Variants in ANO2 observed in about 807,000 individuals in gnomAD.
ANO2 encodes anoctamin-2.
ANO2 carries 101 observed loss-of-function variants against 124.2 expected under a neutral mutation model. The ratio of observed to expected loss-of-function variants is 0.81; its 90% CI spans 0.69 to 0.96. The LOEUF (loss-of-function observed/expected upper bound fraction) is 0.96. Ranked by LOEUF, ANO2 falls within the 40% of genes least tolerant of loss-of-function variation. The pLI is 0.00. For synonymous variants in ANO2, 486 were observed against 482.5 expected, an observed-to-expected ratio of 1.01 and a Z score of -0.09; for missense variants, 1,293 against 1,274.5, an observed-to-expected ratio of 1.01 and a Z score of -0.22.
In ANO2 at chr12:5,674,372, C is replaced by T. The variant is rs202134143; in HGVS notation, c.1546-26571G>A. Among the ~76,000 whole-genome samples the T allele has an allele frequency of 1.1e-3, 174 of 152,244 alleles. 2 individuals are homozygous for T. The East Asian group carries it at 0.03, about 26-fold the overall frequency. ...CCAAACAGGGAACTGGGCTCTCATC[C>T]TAATTCTTCCTTAAGGAGCCAACAC... On this transcript the variant is annotated intron_variant, in intron 14 of 24. Transcript: ENST00000682330.
intron 14 of ANO2, among the ~76,000 whole-genome samples, chr12:5,722,720 GTA>G (rs1204588483): frequency 6.6e-6 from 1 of 152,036 alleles, no homozygotes; most frequent in African/African-American, 2.4e-5. Context: ...CATGACTTTC[GTA>G]TGTGTGTGTG....
chr12:5,774,427 C>A (rs896179631), intron 10 of ANO2, among the ~76,000 whole-genome samples: 2 of 152,132 alleles, frequency 1.3e-5, no homozygotes, highest in Non-Finnish European at 2.9e-5. Context: ...GATCACACCA[C>A]CACACTCCAG....
At chr12:5,744,097 G>A (rs1951188709) in intron 12 of ANO2, 60 bp downstream of exon 12, 1 of 1,593,618 alleles carries the variant, frequency 6.3e-7, no homozygotes, top group Non-Finnish European at 8.6e-7. Context: ...TTTACAGCTT[G>A]GTCACTGTGC....
intron 3 of ANO2, among the ~76,000 whole-genome samples, chr12:5,868,159 G>T (rs10082960): frequency 0.011 from 1,600 of 152,108 alleles, 23 homozygotes; most frequent in African/African-American, 0.036. Flanking sequence ...CTGTATCAGG[G>T]TATCTAGTGT....
intron 6 of ANO2, among the ~76,000 whole-genome samples, chr12:5,828,915 A>G (rs976506925): frequency 6.6e-6 from 1 of 152,242 alleles, no homozygotes; most frequent in African/African-American, 2.4e-5. Context: ...GATGTGGGTG[A>G]GGTCCTCCAA....
At chr12:5,676,253 T>C (rs1948237198) in intron 14 of ANO2, among the ~76,000 whole-genome samples, 1 of 152,180 alleles carries the variant, frequency 6.6e-6, no homozygotes, top group Admixed American at 6.5e-5. Flanking sequence ...CAAGATCTCA[T>C]GGACATATGG....
chr12:5,641,723 T>C (rs1946402269), intron 15 of ANO2, among the ~76,000 whole-genome samples: 1 of 152,196 alleles, frequency 6.6e-6, no homozygotes, highest in African/African-American at 2.4e-5. Context: ...AGTGAGATTC[T>C]CAATTAGTTA....
chr12:5,912,178 C>T (rs776116517), intron 3 of ANO2, among the ~76,000 whole-genome samples: 7 of 152,170 alleles, frequency 4.6e-5, no homozygotes, highest in African/African-American at 1.7e-4. Flanking sequence ...CTTCCTCCTC[C>T]GTGTAAACCC....
At chr12:5,776,090 G>C (rs559941487) in intron 10 of ANO2, among the ~76,000 whole-genome samples, 2 of 152,140 alleles carry the variant, frequency 1.3e-5, no homozygotes, top group Non-Finnish European at 2.9e-5. Context: ...CTCAGACCAC[G>C]CATCAATAAT....
chr12:5,854,398 CAAAA>C lies in ANO2; in HGVS notation c.535-261_535-258del, dbSNP rs56030072. 7.9e-5 allele frequency among the ~76,000 whole-genome samples: 6 copies of C among 76,116 alleles called. No homozygotes were observed. The Admixed American group carries it at 1.1e-3, about 14-fold the overall frequency. 49.9% of individuals were successfully genotyped at this position (76,116 alleles called of 152,430 possible). ...CCCTGGAAGTTTGGTAGCTTCAGAG[CAAAA>C]AAAAAAAAAAAAAAAAAACAAGTTA... On this transcript the variant is annotated intron_variant, in intron 3 of 24. Coordinates refer to ENST00000682330, the MANE Select transcript of ANO2 (RefSeq NM_001364791.2).
chr12:5,584,552 C>T (rs994354372), intron 20 of ANO2, among the ~76,000 whole-genome samples: 3 of 152,246 alleles, frequency 2.0e-5, no homozygotes, highest in South Asian at 2.1e-4. Context: ...TGAAAGATTC[C>T]GCTAGAAACA....
intron 14 of ANO2, among the ~76,000 whole-genome samples, chr12:5,683,858 A>T (rs1948600403): frequency 6.6e-6 from 1 of 152,024 alleles, no homozygotes; most frequent in African/African-American, 2.4e-5. Context: ...CAGTGAGCAC[A>T]CTGGGCTGAC....
chr12:5,588,115 C>A (rs1031039263), intron 20 of ANO2, among the ~76,000 whole-genome samples: 1 of 152,100 alleles, frequency 6.6e-6, no homozygotes, highest in African/African-American at 2.4e-5. Flanking sequence ...CGGGGGGCAG[C>A]TTTGGTTTCA....
At position 5,945,203 on chromosome 12, in the gene ANO2, C is replaced by T. The variant is rs1370211312; in HGVS notation, c.15G>A (p.Gly5=). Reference sequence around the variant, plus strand: ...TCCAGCCGGAAAACTCACCGCGCGGCCCGGGAGTCGCCATGATGTGGACGC... The same window carrying T: ...TCCAGCCGGAAAACTCACCGCGCGGTCCGGGAGTCGCCATGATGTGGACGC... MATP[G]PRDIPLLPGS... Residue 5 remains glycine (G), a synonymous_variant, in exon 1 of 25, where the codon GGG becomes GGA. Transcript: ENST00000682330. 4.7e-6 allele frequency: 6 copies of T among 1,288,590 alleles called. No individual in the cohort carries two copies. The highest frequency in any genetic ancestry group is 5.1e-6 in the Non-Finnish European group (5 of 988,232). 79.8% of individuals were successfully genotyped at this position (1,288,590 alleles called of 1,614,324 possible).
chr12:5,692,172 G>A (rs1346918635), intron 14 of ANO2, among the ~76,000 whole-genome samples: 1 of 152,148 alleles, frequency 6.6e-6, no homozygotes, highest in African/African-American at 2.4e-5. Flanking sequence ...CTGGGGATCT[G>A]GACTAGGTTC....
chr12:5,701,303 C>G, intron 14 of ANO2, among the ~76,000 whole-genome samples: 1 of 152,040 alleles, frequency 6.6e-6, no homozygotes, highest in Middle Eastern at 3.2e-3. Context: ...CACTATTATT[C>G]TAGGCTTATC....
At chr12:5,909,314 A>G (rs1394891784) in intron 3 of ANO2, among the ~76,000 whole-genome samples, 1 of 152,236 alleles carries the variant, frequency 6.6e-6, no homozygotes, top group African/African-American at 2.4e-5. Context: ...TAACAAAAAG[A>G]TATGTTAGAA....
chr12:5,910,362 A>G (rs1250770611), intron 3 of ANO2, among the ~76,000 whole-genome samples: 1 of 152,052 alleles, frequency 6.6e-6, no homozygotes, highest in Non-Finnish European at 1.5e-5. Flanking sequence ...TATTTTTAGT[A>G]GAGACAGGGT....
chr12:5,611,051 C>T (rs993698933), intron 19 of ANO2, among the ~76,000 whole-genome samples: 6 of 144,668 alleles, frequency 4.1e-5, no homozygotes, highest in African/African-American at 1.5e-4. Flanking sequence ...GCTCACTGTA[C>T]CCTCCACCTC....
Sources: gnomAD v4.1 joint callset for allele counts (sites outside exome capture counted in the v4.1 genomes callset) on GRCh38, gnomAD v4.1.1 for gene constraint, MANE v1.5 for transcripts, NCBI Gene and HGNC (gene_info 2026-07-23, HGNC 2026-07-21) for gene names.